MARCHF1: variants seen among roughly 807,000 people sequenced by gnomAD.
MARCHF1 encodes membrane associated ring-CH-type finger 1.
MARCHF1 carries 40 observed loss-of-function variants against 54.2 expected under a neutral mutation model. The observed-to-expected ratio is 0.74, with a 90% CI of 0.57 to 0.96. The LOEUF (loss-of-function observed/expected upper bound fraction) is 0.96, where lower values mean the gene tolerates loss of function less well. Ranked by LOEUF, MARCHF1 falls within the 40% of genes least tolerant of loss-of-function variation. MARCHF1 has a pLI of 0.00. For missense variants in MARCHF1, 586 were observed against 656.5 expected (o/e 0.89, Z 1.17); for synonymous variants, 236 against 236.3 (o/e 1.00, Z 0.01).
chr4:164,011,605 T>C (rs1753422395), intron 2 of MARCHF1, among the ~76,000 whole-genome samples: 1 of 152,160 alleles, frequency 6.6e-6, no homozygotes, highest in African/African-American at 2.4e-5. Context: ...ATGGCTTATA[T>C]CAAAGAAACA....
Position 163,862,577 on chromosome 4 carries a change from CAACAGGTA to C in MARCHF1, c.-38-8416_-38-8409del, listed in dbSNP as rs542791414. 1.7e-3 allele frequency among the ~76,000 whole-genome samples: 266 copies of C among 152,134 alleles called. 1 individual carries two copies. The highest frequency in any genetic ancestry group is 3.3e-3 in the Non-Finnish European group (223 of 67,902). On this transcript the variant is annotated intron_variant, in intron 3 of 9. Transcript: ENST00000514618. ...ACCAAATACTGACAAGGATGCCAAG[CAACAGGTA>C]TTCTTTTCCATTGCTCGTGGGAATA... is the stretch of plus-strand genomic sequence containing the variant.
chr4:164,310,451 A>G (rs1212588113), intron 1 of MARCHF1, among the ~76,000 whole-genome samples: 2 of 152,058 alleles, frequency 1.3e-5, no homozygotes. Context: ...ACATAAAATA[A>G]TGTTCCTTTT....
intron 3 of MARCHF1, among the ~76,000 whole-genome samples, chr4:163,988,006 A>G (rs1752902329): frequency 6.6e-6 from 1 of 152,260 alleles, no homozygotes; most frequent in African/African-American, 2.4e-5. Flanking sequence ...AATGAAGTGC[A>G]AATAGATCTT....
chr4:163,687,073 G>T (rs1468394698), intron 5 of MARCHF1, among the ~76,000 whole-genome samples: 1 of 151,982 alleles, frequency 6.6e-6, no homozygotes, highest in East Asian at 1.9e-4. Context: ...AGAAATTTTT[G>T]TATTTCATTT....
At chr4:164,091,315 G>A (rs570301227) in intron 2 of MARCHF1, among the ~76,000 whole-genome samples, 45 of 150,494 alleles carry the variant, frequency 3.0e-4, no homozygotes, top group African/African-American at 5.1e-4. Flanking sequence ...TTAAATATTC[G>A]AAACATAGTT....
chr4:164,265,082 G>A (rs1238299054), intron 1 of MARCHF1, among the ~76,000 whole-genome samples: 2 of 151,706 alleles, frequency 1.3e-5, no homozygotes, highest in Non-Finnish European at 2.9e-5. Flanking sequence ...TTATTATTTT[G>A]TATGCAATGA....
intron 5 of MARCHF1, among the ~76,000 whole-genome samples, chr4:163,621,284 T>C (rs904192842): frequency 6.6e-6 from 1 of 152,192 alleles, no homozygotes; most frequent in Non-Finnish European, 1.5e-5. Context: ...TAACTCTCAA[T>C]CCTGTCTAAA....
intron 1 of MARCHF1, among the ~76,000 whole-genome samples, chr4:164,221,151 T>C (rs1197208755): frequency 6.6e-6 from 1 of 152,068 alleles, no homozygotes; most frequent in Admixed American, 6.6e-5. Flanking sequence ...TCTATGAATT[T>C]GCTGAAGAAT....
chr4:163,839,897 GA>G (rs559221700), intron 4 of MARCHF1, among the ~76,000 whole-genome samples: 167 of 151,444 alleles, frequency 1.1e-3, no homozygotes, highest in African/African-American at 3.9e-3. Flanking sequence ...GAGCTGTAAA[GA>G]AAAAAAATGT....
intron 1 of MARCHF1, among the ~76,000 whole-genome samples, chr4:164,245,167 T>G (rs1169527895): frequency 6.6e-6 from 1 of 152,136 alleles, no homozygotes; most frequent in Admixed American, 6.5e-5. Context: ...AAAGAGAATT[T>G]TAGACCAATA....
intron 3 of MARCHF1, among the ~76,000 whole-genome samples, chr4:163,986,704 C>G (rs1484502880): frequency 3.3e-5 from 5 of 152,082 alleles, no homozygotes; most frequent in Admixed American, 6.6e-5. Context: ...TGGATTAATA[C>G]CCATATCTTG....
intron 2 of MARCHF1, among the ~76,000 whole-genome samples, chr4:164,004,246 C>CATAT (rs70948686): frequency 1.6e-4 from 24 of 150,056 alleles, no homozygotes; most frequent in East Asian, 3.9e-4. Context: ...TGTTTACATA[C>CATAT]ATATATATAT....
intron 9 of MARCHF1, among the ~76,000 whole-genome samples, chr4:163,538,111 A>G (rs142203495): frequency 2.0e-5 from 3 of 152,192 alleles, no homozygotes; most frequent in Non-Finnish European, 4.4e-5. Flanking sequence ...TTCAGTCCAC[A>G]GTTTGTAGGG....
chr4:163,811,390 G>A (rs1028422999), intron 4 of MARCHF1, among the ~76,000 whole-genome samples: 1 of 152,020 alleles, frequency 6.6e-6, no homozygotes, highest in Non-Finnish European at 1.5e-5. Context: ...AAACTGCTGG[G>A]TGGACACTGT....
chr4:163,572,633 G>A (rs767787047), intron 8 of MARCHF1, among the ~76,000 whole-genome samples: 1 of 151,974 alleles, frequency 6.6e-6, no homozygotes, highest in East Asian at 1.9e-4. Context: ...TTTGTGCCAC[G>A]GGAAGGGAGT....
At chr4:163,802,493 T>G (rs1748108899) in intron 4 of MARCHF1, among the ~76,000 whole-genome samples, 1 of 152,232 alleles carries the variant, frequency 6.6e-6, no homozygotes, top group Non-Finnish European at 1.5e-5. Context: ...GCTGTTTGTG[T>G]ATTTTTAGAA....
intron 1 of MARCHF1, chr4:164,383,579 G>T (rs936252576): frequency 6.6e-6 from 1 of 152,312 alleles, no homozygotes; most frequent in African/African-American, 2.4e-5. Flanking sequence ...CGGGCGCTGG[G>T]GGCCAATAGT....
chr4:164,106,657 C>A (rs1488042620), intron 2 of MARCHF1, among the ~76,000 whole-genome samples: 2 of 149,154 alleles, frequency 1.3e-5, no homozygotes, highest in Non-Finnish European at 3.0e-5. Context: ...GGGAGATATA[C>A]CTAATGCTAG....
intron 1 of MARCHF1, among the ~76,000 whole-genome samples, chr4:164,180,407 G>A (rs1017600536): frequency 5.3e-5 from 8 of 152,132 alleles, no homozygotes; most frequent in African/African-American, 1.9e-4. Flanking sequence ...ATAAAAAATT[G>A]CTACCTAATA....
Sources: gnomAD v4.1 joint callset for allele counts (sites outside exome capture counted in the v4.1 genomes callset) on GRCh38, gnomAD v4.1.1 for gene constraint, MANE v1.5 for transcripts, NCBI Gene and HGNC (gene_info 2026-07-23, HGNC 2026-07-21) for gene names.